The following RBFOX1 variants were observed in gnomAD, a reference collection of about 807,000 sequenced individuals.
RBFOX1 encodes RNA binding fox-1 homolog 1, also known as RNA binding protein fox-1 homolog 1.
A neutral mutation model predicts 57.7 loss-of-function variants in RBFOX1; 8 were observed. The observed-to-expected ratio is 0.14, with a 90% CI of 0.08 to 0.25. RBFOX1 has a LOEUF of 0.25. Among genes scored for constraint, RBFOX1 ranks in the 10% least tolerant of loss-of-function variants. The pLI, the probability that RBFOX1 is intolerant of heterozygous loss-of-function variation, is 1.00. For synonymous variants in RBFOX1, 326 were observed against 222.4 expected (o/e 1.47, Z -4.15); for missense variants, 611 against 548.5 (o/e 1.11, Z -1.14).
chr16:6,828,579 G>C (rs903184074), intron 3 of RBFOX1, among the ~76,000 whole-genome samples: 1 of 151,670 alleles, frequency 6.6e-6, no homozygotes, highest in East Asian at 1.9e-4. Context: ...GGGCTGATCA[G>C]ATCCTGAAAA....
chr16:5,382,788 T>C (rs958239685), intron 1 of RBFOX1, among the ~76,000 whole-genome samples: 4 of 152,250 alleles, frequency 2.6e-5, no homozygotes, highest in African/African-American at 9.6e-5. Context: ...ATTTATTGAG[T>C]GCTTACAATA....
At chr16:7,143,396 G>C (rs1405350369) in intron 4 of RBFOX1, among the ~76,000 whole-genome samples, 2 of 152,122 alleles carry the variant, frequency 1.3e-5, no homozygotes, top group African/African-American at 4.8e-5. Flanking sequence ...ATGTGAAATG[G>C]TGTGGGGTGT....
rs561454020 is a variant in RBFOX1 at position 6,065,274 on chromosome 16, A to G, written c.-127+45282A>G. ...GGTCTCAAACTCCTGGTCTCAAGCA[A>G]TCCTCCCATCTTGGCCTCCCAAAGT... On this transcript the variant is annotated intron_variant, in intron 1 of 15. Transcript: ENST00000550418. Among the ~76,000 whole-genome samples, 83 of 151,150 alleles carry G rather than the reference A, an allele frequency of 5.5e-4. 1 individual carries two copies. In the East Asian group the frequency reaches 7.6e-3, roughly 14 times the overall value.
At position 6,209,124 on chromosome 16, in the gene RBFOX1, G is replaced by A. The variant is rs543685584; in HGVS notation, c.-126-107871G>A. Among the ~76,000 whole-genome samples the A allele has an allele frequency of 1.1e-4, 17 of 152,268 alleles. No individual in the cohort carries two copies. The South Asian group carries it at 3.1e-3, about 28-fold the overall frequency. ...TAGAAAGCAGGACAAACCTGTGACA[G>A]GAGAAGTCTCAGCATTTACTTTAAA... On this transcript the variant is annotated intron_variant, in intron 1 of 15. Coordinates refer to ENST00000550418, the MANE Select transcript of RBFOX1 (RefSeq NM_018723.4).
chr16:6,627,902 T>TTCATCAC (rs1294536378), intron 2 of RBFOX1, among the ~76,000 whole-genome samples: 10 of 152,324 alleles, frequency 6.6e-5, no homozygotes, highest in African/African-American at 2.4e-4. Context: ...ATGGAGTTGC[T>TTCATCAC]TCATCACTCC....
chr16:5,887,781 G>C (rs982798676), intron 4 of RBFOX1, among the ~76,000 whole-genome samples: 1 of 152,124 alleles, frequency 6.6e-6, no homozygotes, highest in Non-Finnish European at 1.5e-5. Flanking sequence ...GTCAGACCAC[G>C]CAACCGAATG....
chr16:7,348,164 C>A (rs1031532068), intron 4 of RBFOX1, among the ~76,000 whole-genome samples: 3 of 152,144 alleles, frequency 2.0e-5, no homozygotes, highest in African/African-American at 7.2e-5. Flanking sequence ...AAACAAAAAG[C>A]ACAAACAAAC....
intron 3 of RBFOX1, among the ~76,000 whole-genome samples, chr16:6,763,358 C>G (rs572861890): frequency 6.6e-6 from 1 of 152,182 alleles, no homozygotes; most frequent in Non-Finnish European, 1.5e-5. Context: ...CCAGTGATTA[C>G]TTTCCTGTTG....
chr16:7,403,562 T>TTCCCCCC (rs1487515249), intron 4 of RBFOX1, among the ~76,000 whole-genome samples: 1 of 114,666 alleles, frequency 8.7e-6, no homozygotes, highest in African/African-American at 3.3e-5. Flanking sequence ...AATGAGAGAA[T>TTCCCCCC]CCCCCCCCCC....
intron 3 of RBFOX1, among the ~76,000 whole-genome samples, chr16:6,890,902 C>T (rs577400915): frequency 1.3e-5 from 2 of 152,284 alleles, no homozygotes; most frequent in South Asian, 4.2e-4. Flanking sequence ...ATGAAGTGAG[C>T]ATGAAGTGAG....
chr16:5,879,763 T>A (rs572903399), intron 4 of RBFOX1, among the ~76,000 whole-genome samples: 2 of 152,230 alleles, frequency 1.3e-5, no homozygotes, highest in South Asian at 4.2e-4. Flanking sequence ...GAGCTGGGGG[T>A]GGCTCTATCC....
At chr16:6,764,490 C>G (rs887451322) in intron 3 of RBFOX1, among the ~76,000 whole-genome samples, 1 of 152,190 alleles carries the variant, frequency 6.6e-6, no homozygotes, top group African/African-American at 2.4e-5. Context: ...TCCATTCATT[C>G]ATCCCACGGA....
At chr16:7,491,783 A>G (rs1391467391) in intron 4 of RBFOX1, among the ~76,000 whole-genome samples, 1 of 152,174 alleles carries the variant, frequency 6.6e-6, no homozygotes, top group African/African-American at 2.4e-5. Context: ...GGCACATGCC[A>G]CCATGCCCAG....
At chr16:7,332,645 T>C (rs2096713423) in intron 4 of RBFOX1, 1 of 487,646 alleles carries the variant, frequency 2.1e-6, no homozygotes, top group Non-Finnish European at 2.9e-6. Flanking sequence ...GTTCCCTCTG[T>C]CACTTGGTCT....
chr16:7,283,490 G>A (rs541322531), intron 4 of RBFOX1, among the ~76,000 whole-genome samples: 13 of 151,960 alleles, frequency 8.6e-5, no homozygotes, highest in Non-Finnish European at 1.8e-4. Flanking sequence ...TAAGAAAATC[G>A]TATGGGTGGA....
At chr16:5,841,447 A>C (rs910323271) in intron 3 of RBFOX1, among the ~76,000 whole-genome samples, 5 of 152,226 alleles carry the variant, frequency 3.3e-5, no homozygotes, top group African/African-American at 1.2e-4. Context: ...AGGGCCCAAG[A>C]GAATAATTTC....
At chr16:7,364,915 G>T (rs77765083) in intron 4 of RBFOX1, among the ~76,000 whole-genome samples, 1 of 152,120 alleles carries the variant, frequency 6.6e-6, no homozygotes, top group African/African-American at 2.4e-5. Flanking sequence ...ATGGATACTA[G>T]TGAATGTGTC....
intron 2 of RBFOX1, among the ~76,000 whole-genome samples, chr16:5,544,060 A>T (rs1011705174): frequency 6.6e-6 from 1 of 152,188 alleles, no homozygotes; most frequent in Non-Finnish European, 1.5e-5. Context: ...GTCACCAACC[A>T]GTTTGACCTA....
intron 3 of RBFOX1, among the ~76,000 whole-genome samples, chr16:6,927,405 G>T (rs1278683065): frequency 1.5e-5 from 1 of 67,250 alleles, no homozygotes; most frequent in Non-Finnish European, 2.4e-5. Context: ...AGAGTGAGAC[G>T]CTTTCTCACA....
Sources: allele counts gnomAD v4.1 joint callset (sites outside exome capture counted in the v4.1 genomes callset), GRCh38; gene constraint gnomAD v4.1.1; transcripts MANE v1.5; gene names NCBI Gene and HGNC (gene_info 2026-07-23, HGNC 2026-07-21).